Variants in CMYA5 observed in about 807,000 individuals in gnomAD.
CMYA5 encodes cardiomyopathy-associated protein 5.
A neutral mutation model predicts 318.9 loss-of-function variants in CMYA5; 246 were observed. The observed-to-expected ratio is 0.77, with a 90% CI of 0.70 to 0.86. The LOEUF is 0.86. CMYA5 is among the 40% of genes least tolerant of loss of function. The probability of loss-of-function intolerance (pLI) is 0.00; values close to 1 mark genes in which losing one functional copy is unlikely to be tolerated. For missense variants in CMYA5, 4,589 were observed against 4,678.2 expected (o/e 0.98, Z 0.56); for synonymous variants, 1,641 against 1,729.5 (o/e 0.95, Z 1.27).
At chr5:79,715,576 C>T (rs1451354562) in intron 1 of CMYA5, among the ~76,000 whole-genome samples, 6 of 152,076 alleles carry the variant, frequency 3.9e-5, no homozygotes, top group Non-Finnish European at 7.4e-5. Flanking sequence ...CGTGAGCCAC[C>T]GTGCCCAGCC....
In CMYA5 at chr5:79,731,948, A is replaced by G; in HGVS notation, c.3183A>G (p.Ser1061=). The change falls in exon 2 of 13, where the codon TCA becomes TCG. Residue 1061 remains serine (S), a synonymous_variant. Transcript: ENST00000446378. Reference sequence around the variant, plus strand: ...CTGTATCTGAGCAGTTCAGTTCATCACAGAAGCAAAAAGCTGAAACTTTCC... The same window carrying G: ...CTGTATCTGAGCAGTTCAGTTCATCGCAGAAGCAAAAAGCTGAAACTTTCC... ...ATPVSEQFSS[S]QKQKAETFPL... The G allele has an allele frequency of 4.3e-6, 7 of 1,613,320 alleles. No individual in the cohort carries two copies. Among genetic ancestry groups the G allele is most frequent in the Non-Finnish European group, 5.1e-6 (6 of 1,179,688 alleles).
In CMYA5 at chr5:79,738,223, C is replaced by A. The variant is rs199839018; in HGVS notation, c.9458C>A (p.Pro3153Gln). ...AAGAGAGATGTGGACTCAAAGTCACCGGGGATGCCTTTATTTGAAGCAGAG... is the reference window on the plus strand; with the variant it reads ...AAGAGAGATGTGGACTCAAAGTCACAGGGGATGCCTTTATTTGAAGCAGAG... ...DTKRDVDSKS[P>Q]GMPLFEAEEG... The change falls in exon 2 of 13, where the codon CCG becomes CAG. Residue 3153 changes from proline to glutamine, a missense_variant. Physicochemically the swap from Pro to Gln is moderately conservative, Grantham distance 76 (BLOSUM62 -1). Around this residue, in one of 3 missense-constraint regions of CMYA5, gnomAD observed 2,431 missense variants for 2,495.1 expected, o/e 0.97. Coordinates refer to ENST00000446378, the MANE Select transcript of CMYA5 (RefSeq NM_153610.5). 23 of 1,613,752 alleles carry A rather than the reference C, an allele frequency of 1.4e-5. 1 individual carries two copies. Among genetic ancestry groups the A allele is most frequent in the Middle Eastern group, 3.3e-4 (2 of 6,060 alleles).
In CMYA5 at chr5:79,731,165, A is replaced by G. The variant is rs746777491; in HGVS notation, c.2400A>G (p.Lys800=). 7 of 1,613,902 alleles carry G rather than the reference A, an allele frequency of 4.3e-6. No individual in the cohort carries two copies. The highest frequency in any genetic ancestry group is 5.9e-6 in the Non-Finnish European group (7 of 1,179,896). The change falls in exon 2 of 13, where the codon AAA becomes AAG. Residue 800 remains lysine, a synonymous_variant. Coordinates refer to ENST00000446378, the MANE Select transcript of CMYA5 (RefSeq NM_153610.5). ...RFTPDSKLIS[K]YAAPLNATQE... is the part of the protein sequence containing the mutation. ...CACCGGATTCAAAGTTGATCTCCAA[A>G]TATGCAGCCCCACTCAATGCAACAC...
At chr5:79,755,665 C>T (rs1353165911) in intron 6 of CMYA5, among the ~76,000 whole-genome samples, 1 of 152,122 alleles carries the variant, frequency 6.6e-6, no homozygotes, top group Non-Finnish European at 1.5e-5. Flanking sequence ...TGTTGTTCTA[C>T]CACATAAGAA....
At position 79,729,080 on chromosome 5, in the gene CMYA5, T is replaced by C. The variant is rs184264492; in HGVS notation, c.315T>C (p.Gly105=). The stretch of plus-strand genomic sequence containing the variant: ...CTTCAGAAGAAAGTCAGACTTCTGG[T>C]GTGTGTAGTCGGGAAGGGTCAACTG... The part of the protein sequence containing the change: ...PWASEESQTS[G]VCSREGSTVN... The change falls in exon 2 of 13, where the codon GGT becomes GGC. Residue 105 remains glycine, a synonymous_variant. Transcript: ENST00000446378. 9.5e-4 allele frequency: 1,530 copies of C among 1,613,930 alleles called. No homozygotes were observed. Among genetic ancestry groups the C allele is most frequent in the Non-Finnish European group, 1.3e-3 (1,485 of 1,179,874 alleles).
rs1385769369 is a variant in CMYA5, at chr5:79,738,832, G to A, written c.10067G>A (p.Gly3356Asp). ...GTTCTGGAGCGTGCAGATGAAGCAG[G>A]CAGTCACGGTAATGAAGTCGGAAAT... Reference protein sequence around the residue: ...HHVLERADEAGSHGNEVGNAS... With the variant: ...HHVLERADEADSHGNEVGNAS... The change falls in exon 2 of 13, where the codon GGC becomes GAC. Residue 3356 changes from glycine (G) to aspartate (D), a missense_variant. This residue lies in a region of CMYA5 where 2,431 missense variants were observed against 2,495.1 expected (regional missense o/e 0.97). Transcript: ENST00000446378. 1.3e-5 allele frequency: 21 copies of A among 1,613,890 alleles called. No individual in the cohort carries two copies. The highest frequency in any genetic ancestry group is 1.8e-5 in the Non-Finnish European group (21 of 1,179,844).
At chr5:79,794,413 G>C (rs1440057695) in intron 12 of CMYA5, among the ~76,000 whole-genome samples, 1 of 152,218 alleles carries the variant, frequency 6.6e-6, no homozygotes, top group Non-Finnish European at 1.5e-5. Context: ...CGATCAGGCA[G>C]GTATATTATG....
chr5:79,731,381 T>C lies in CMYA5; in HGVS notation c.2616T>C (p.Leu872=). ...EMTSECQAPP[L]SATPSEYVVL... is the part of the protein sequence containing the mutation. The stretch of plus-strand genomic sequence containing the variant: ...CTTCTGAATGCCAGGCCCCACCACT[T>C]TCAGCCACCCCATCTGAATATGTTG... Residue 872 remains leucine, a synonymous_variant, in exon 2 of 13, where the codon CTT becomes CTC. Transcript: ENST00000446378. 1 of 1,613,842 alleles carries C rather than the reference T, an allele frequency of 6.2e-7. No homozygotes were observed. The highest frequency in any genetic ancestry group is 8.5e-7 in the Non-Finnish European group (1 of 1,179,864).
intron 12 of CMYA5, among the ~76,000 whole-genome samples, chr5:79,794,255 C>T (rs990700889): frequency 3.9e-5 from 6 of 152,340 alleles, no homozygotes; most frequent in Admixed American, 3.9e-4. Context: ...TATTACACTA[C>T]AGTGGCAGAG....
In CMYA5 at chr5:79,798,861, C is replaced by T. The variant is rs1485638067; in HGVS notation, c.11964-509C>T. ...GAGAGTTGGTTTGGGGAAGGGGGAG[C>T]AGAAACAAAGGATGAAGTTGGCAAA... On this transcript the variant is annotated intron_variant, in intron 12 of 12. Transcript: ENST00000446378. Among the ~76,000 whole-genome samples, 6 of 152,074 alleles carry T rather than the reference C, an allele frequency of 3.9e-5. 1 individual carries two copies. The highest frequency in any genetic ancestry group is 9.7e-5 in the African/African-American group (4 of 41,400).
At chr5:79,723,785 A>C (rs1367367719) in intron 1 of CMYA5, among the ~76,000 whole-genome samples, 3 of 151,718 alleles carry the variant, frequency 2.0e-5, no homozygotes, top group Non-Finnish European at 4.4e-5. Context: ...TGAAAAAAAA[A>C]AAAGAAAAGA....
chr5:79,770,550 C>T (rs1010409271), intron 9 of CMYA5, among the ~76,000 whole-genome samples: 8 of 152,132 alleles, frequency 5.3e-5, no homozygotes, highest in Non-Finnish European at 7.4e-5. Flanking sequence ...GGGAGTTCCT[C>T]GACCCCTTGT....
intron 9 of CMYA5, among the ~76,000 whole-genome samples, chr5:79,770,904 C>T (rs1203172133): frequency 6.6e-6 from 1 of 151,876 alleles, no homozygotes; most frequent in African/African-American, 2.4e-5. Context: ...GAATTAATAT[C>T]GGGTGGGGGA....
rs769686777 is a variant in CMYA5, at chr5:79,752,676, G to A, written c.10992G>A (p.Arg3664=). The A allele has an allele frequency of 4.4e-6, 7 of 1,606,940 alleles. No homozygotes were observed. The South Asian group carries it at 6.6e-5, about 15-fold the overall frequency. ...TATGTAGAGCTCTATTCCCCGATAG[G>A]TTGCTTTCTGCAATGGAGAGCACTG... The part of the protein sequence containing the change: ...FLTSFEEINE[R]LLSAMESTAS... Residue 3664 remains arginine, a splice_region_variant and synonymous_variant, in exon 6 of 13, where the codon AGG becomes AGA. Coordinates refer to ENST00000446378, the MANE Select transcript of CMYA5 (RefSeq NM_153610.5).
Position 79,736,565 on chromosome 5 carries a change from C to T in CMYA5, c.7800C>T (p.Ala2600=), listed in dbSNP as rs1233416903. ...KATSVTEKSE[A]MLAEAHPEIR... is the part of the protein sequence containing the mutation. ...CATCAGTTACTGAAAAATCAGAAGC[C>T]ATGCTCGCAGAGGCTCACCCAGAAA... is the stretch of plus-strand genomic sequence containing the variant. Residue 2600 remains alanine (A), a synonymous_variant, in exon 2 of 13, where the codon GCC becomes GCT. Transcript: ENST00000446378. 2.5e-6 allele frequency: 4 copies of T among 1,613,546 alleles called. No individual in the cohort carries two copies. The African/African-American group carries it at 4.0e-5, about 16-fold the overall frequency.
In CMYA5 at chr5:79,739,298, A is replaced by G. The variant is rs1180197021; in HGVS notation, c.10533A>G (p.Thr3511=). ...AGCTGAAAAAGTCCCAGATTGACAC[A>G]TACTGTTACACCTGCAAATGTCCAA... ...QKELKKSQID[T]YCYTCKCPIS... Residue 3511 remains threonine (T), a synonymous_variant, in exon 2 of 13, where the codon ACA becomes ACG. Coordinates refer to ENST00000446378, the MANE Select transcript of CMYA5 (RefSeq NM_153610.5). 1.2e-6 allele frequency: 2 copies of G among 1,603,474 alleles called. No homozygotes were observed. The highest frequency in any genetic ancestry group is 1.7e-6 in the Non-Finnish European group (2 of 1,175,000).
chr5:79,757,194 C>CAAA (rs35929144), intron 6 of CMYA5, among the ~76,000 whole-genome samples: 21 of 84,490 alleles, frequency 2.5e-4, no homozygotes, highest in African/African-American at 8.2e-4. Flanking sequence ...GACTCCATCT[C>CAAA]AAAAAAAAAA....
At chr5:79,725,619 G>A (rs1827732249) in intron 1 of CMYA5, among the ~76,000 whole-genome samples, 1 of 152,170 alleles carries the variant, frequency 6.6e-6, no homozygotes, top group South Asian at 2.1e-4. Context: ...AATAAAAATG[G>A]AAGCAGAGTG....
intron 5 of CMYA5, among the ~76,000 whole-genome samples, chr5:79,751,432 A>C (rs1414294383): frequency 6.6e-6 from 1 of 152,004 alleles, no homozygotes; most frequent in Admixed American, 6.6e-5. Context: ...ACCCAGCCCA[A>C]ATGTTACCTC....
Sources: allele counts gnomAD v4.1 joint callset (sites outside exome capture counted in the v4.1 genomes callset), GRCh38; gene constraint gnomAD v4.1.1; regional missense constraint gnomAD v4.1.1; transcripts MANE v1.5; gene names NCBI Gene and HGNC (gene_info 2026-07-23, HGNC 2026-07-21).